The following LZTFL1 variants were observed in gnomAD, a reference collection of about 807,000 sequenced individuals.
LZTFL1 encodes the protein leucine zipper transcription factor like 1, also known as leucine zipper transcription factor-like protein 1.
In LZTFL1, 25 loss-of-function variants were observed where a neutral mutation model predicts 45.9. That is an observed-to-expected ratio of 0.54 (90% confidence interval 0.40 to 0.76). The LOEUF (loss-of-function observed/expected upper bound fraction) is 0.76. Among genes scored for constraint, LZTFL1 ranks in the 30% least tolerant of loss-of-function variants. The pLI, the probability that LZTFL1 is intolerant of heterozygous loss-of-function variation, is 0.00. For missense variants in LZTFL1, 277 were observed against 331.1 expected (o/e 0.84, Z 1.27); for synonymous variants, 93 against 117.4 (o/e 0.79, Z 1.35).
chr3:45,844,960 G>A (rs1559407805), upstream of LZTFL1, among the ~76,000 whole-genome samples: 1 of 152,188 alleles, frequency 6.6e-6, no homozygotes, highest in Non-Finnish European at 1.5e-5. Context: ...TGATAGATTA[G>A]TTTCACTGAT....
chr3:45,850,192 C>T (rs1396582288), intron 4 of LZTFL1, among the ~76,000 whole-genome samples: 2 of 152,194 alleles, frequency 1.3e-5, no homozygotes, highest in African/African-American at 4.8e-5. Flanking sequence ...TCCAGTAATA[C>T]ATGTTTCATG....
At chr3:45,911,251 A>T (rs2125773685) in intron 2 of LZTFL1, among the ~76,000 whole-genome samples, 1 of 152,304 alleles carries the variant, frequency 6.6e-6, no homozygotes, top group Middle Eastern at 3.4e-3. Context: ...CATATTTTAA[A>T]ATCACCAAAG....
chr3:45,829,266 A>G (rs973620677), intron 7 of LZTFL1, among the ~76,000 whole-genome samples: 2 of 152,128 alleles, frequency 1.3e-5, no homozygotes, highest in Non-Finnish European at 2.9e-5. Flanking sequence ...ATTTGTACTG[A>G]TAAGACAGTA....
intron 4 of LZTFL1, among the ~76,000 whole-genome samples, chr3:45,849,505 G>A (rs1181070363): frequency 6.6e-6 from 1 of 152,164 alleles, no homozygotes; most frequent in Non-Finnish European, 1.5e-5. Flanking sequence ...AAAACCCAGG[G>A]TGATATAAAG....
chr3:45,841,295 G>A (rs1701104168), intron 1 of LZTFL1, among the ~76,000 whole-genome samples: 1 of 152,182 alleles, frequency 6.6e-6, no homozygotes, highest in African/African-American at 2.4e-5. Flanking sequence ...CCGTTTTCCT[G>A]AACATTTCAG....
intron 2 of LZTFL1, among the ~76,000 whole-genome samples, chr3:45,893,468 T>C (rs1400742760): frequency 1.3e-5 from 2 of 152,196 alleles, no homozygotes; most frequent in African/African-American, 4.8e-5. Flanking sequence ...TCCCCTTCTC[T>C]CTCTCTCTAT....
upstream of LZTFL1, among the ~76,000 whole-genome samples, chr3:45,845,134 C>A (rs1701197593): frequency 6.6e-6 from 1 of 152,160 alleles, no homozygotes; most frequent in African/African-American, 2.4e-5. Flanking sequence ...CTCCTCTTTC[C>A]ATACTCCCTT....
chr3:45,907,574 C>T (rs907767292), intron 2 of LZTFL1, among the ~76,000 whole-genome samples: 5 of 152,156 alleles, frequency 3.3e-5, no homozygotes, highest in Non-Finnish European at 1.5e-5. Context: ...AAGAGCTGGC[C>T]GAAGCGTCCC....
chr3:45,885,183 G>A (rs958679847), intron 2 of LZTFL1, among the ~76,000 whole-genome samples: 5 of 152,206 alleles, frequency 3.3e-5, no homozygotes, highest in African/African-American at 1.2e-4. Context: ...ACCACGCCAT[G>A]ACAGAGCGGC....
upstream of LZTFL1, among the ~76,000 whole-genome samples, chr3:45,843,616 T>TTTAAAATTTGTTAAATTTTAACAAATTG (rs1701170296): frequency 6.6e-6 from 1 of 152,230 alleles, no homozygotes; most frequent in African/African-American, 2.4e-5. Context: ...GCTTGGGGAT[T>TTTAAAATTTGTTAAATTTTAACAAATTG]TTAAAATTTG....
At position 45,881,177 on chromosome 3, in the gene LZTFL1, G is replaced by A. The variant is rs1176171227; in HGVS notation, c.-214-22161C>T. On this transcript the variant is annotated intron_variant, in intron 2 of 4. Coordinates refer to the LZTFL1 transcript ENST00000472635. ...CCTTATAAACAGCTTGTATTCTGCA[G>A]CAGCTTGGCAGCCACACCACTGAAC... is the stretch of plus-strand genomic sequence containing the variant. Among the ~76,000 whole-genome samples, 3 of 152,222 alleles carry A rather than the reference G, an allele frequency of 2.0e-5. 1 individual carries two copies. The highest frequency in any genetic ancestry group is 2.9e-5 in the Non-Finnish European group (2 of 68,034).
intron 2 of LZTFL1, among the ~76,000 whole-genome samples, chr3:45,887,242 C>CGT (rs1285056620): frequency 5.3e-4 from 66 of 125,544 alleles, no homozygotes; most frequent in Admixed American, 1.9e-3. Flanking sequence ...CTATTAAGTG[C>CGT]GTGTGTGTCT....
chr3:45,835,435 C>T, intron 3 of LZTFL1, 155 bp downstream of exon 3: 1 of 637,760 alleles, frequency 1.6e-6, no homozygotes, highest in Non-Finnish European at 2.7e-6. Context: ...TAGTGGTACC[C>T]AAGAGATCAC....
At chr3:45,890,195 A>T (rs1225335335) in intron 2 of LZTFL1, among the ~76,000 whole-genome samples, 2 of 141,372 alleles carry the variant, frequency 1.4e-5, no homozygotes, top group African/African-American at 5.2e-5. Flanking sequence ...CAGGTATTAC[A>T]TGATTAATAT....
chr3:45,840,262 C>A (rs761460198), intron 1 of LZTFL1, among the ~76,000 whole-genome samples: 1 of 152,208 alleles, frequency 6.6e-6, no homozygotes, highest in African/African-American at 2.4e-5. Context: ...TAAAAGTGGA[C>A]AGCTGAGTTC....
chr3:45,860,434 G>A lies in LZTFL1; in HGVS notation c.-214-1418C>T, dbSNP rs1478464067. ...GACTTTGGAATCCTAAGGTAATTCAGATGGTGGATGGACATTTATCTTATA... is the reference window on the plus strand; with the variant it reads ...GACTTTGGAATCCTAAGGTAATTCAAATGGTGGATGGACATTTATCTTATA... On this transcript the variant is annotated intron_variant, in intron 2 of 4. Transcript: ENST00000472635. 3.3e-5 allele frequency among the ~76,000 whole-genome samples: 5 copies of A among 150,480 alleles called. No individual in the cohort carries two copies. In the Admixed American group the frequency reaches 3.4e-4, roughly 10 times the overall value.
In LZTFL1 at chr3:45,833,084, A is replaced by G. The variant is rs1700874586; in HGVS notation, c.422T>C (p.Leu141Pro). ...GAGTTCTGCTGTTCCACCTTCATTA[A>G]GTGGAGCAAGTTTTGGCTTTGTGAC... is the stretch of plus-strand genomic sequence containing the variant. Reference protein sequence around the residue: ...LDVTKPKLAPLNEGGTAELLN... With the variant: ...LDVTKPKLAPPNEGGTAELLN... Residue 141 changes from leucine (L) to proline (P), a missense_variant, in exon 5 of 10, where the codon CTT becomes CCT. By Grantham distance (98) the Leu-to-Pro change is moderately conservative. Transcript: ENST00000296135. The G allele has an allele frequency of 6.2e-7, 1 of 1,613,838 alleles. No individual in the cohort carries two copies.
At chr3:45,829,848 C>T (rs916864295) in intron 7 of LZTFL1, among the ~76,000 whole-genome samples, 21 of 152,130 alleles carry the variant, frequency 1.4e-4, no homozygotes, top group Non-Finnish European at 2.5e-4. Flanking sequence ...AATTATAAAG[C>T]GGTTCTGGAA....
At chr3:45,883,738 C>T in intron 2 of LZTFL1, 2 of 560,992 alleles carry the variant, frequency 3.6e-6, no homozygotes, top group Non-Finnish European at 3.3e-6. Context: ...AAAAGGCCTG[C>T]CTTGGCAGCT....
Sources: allele counts gnomAD v4.1 joint callset (sites outside exome capture counted in the v4.1 genomes callset), GRCh38; gene constraint gnomAD v4.1.1; transcripts MANE v1.5; gene names NCBI Gene and HGNC (gene_info 2026-07-23, HGNC 2026-07-21).